The following CARD10 variants were observed in gnomAD, a reference collection of about 807,000 sequenced individuals.
CARD10 encodes the protein caspase recruitment domain-containing protein 10.
In CARD10, 49 loss-of-function variants were observed where a neutral mutation model predicts 114.6. That is an observed-to-expected ratio of 0.43 (90% CI 0.34 to 0.54). The LOEUF is 0.54. Ranked by LOEUF, CARD10 falls within the 20% of genes least tolerant of loss-of-function variation. CARD10 has a pLI of 0.03. For missense variants in CARD10, 1,206 were observed against 1,397.2 expected, an observed-to-expected ratio of 0.86 and a Z score of 2.18; for synonymous variants, 602 against 593.2, an observed-to-expected ratio of 1.01 and a Z score of -0.21.
At chr22:37,515,928 G>A (rs574318072) in intron 3 of CARD10, 45 bp downstream of exon 3, 1 of 1,465,800 alleles carries the variant, frequency 6.8e-7, no homozygotes, top group Non-Finnish European at 9.2e-7. Flanking sequence ...CATTGCAAAA[G>A]CTGCCCCTTC....
At chr22:37,494,746 A>G (rs1375965735) in intron 15 of CARD10, among the ~76,000 whole-genome samples, 2 of 152,174 alleles carry the variant, frequency 1.3e-5, no homozygotes, top group Non-Finnish European at 2.9e-5. Flanking sequence ...TTTACAGATG[A>G]GGAAACAAGC....
chr22:37,504,401 GC>G, intron 8 of CARD10, 100 bp from the exon 9 acceptor site: 1 of 1,084,280 alleles, frequency 9.2e-7, no homozygotes, highest in Non-Finnish European at 1.3e-6. Context: ...GAGAAGTAGG[GC>G]CCAGAGCAGA....
chr22:37,503,900 T>A, intron 9 of CARD10: 1 of 558,496 alleles, frequency 1.8e-6, no homozygotes, highest in Non-Finnish European at 3.4e-6. Flanking sequence ...ACCATCAAGC[T>A]TCTCCTTGGG....
chr22:37,495,543 T>C lies in CARD10; in HGVS notation c.2347A>G (p.Ser783Gly). The change falls in exon 15 of 20, where the codon AGC becomes GGC. Residue 783 changes from serine (S) to glycine (G), a missense_variant. This residue lies in a region of CARD10 where 1,068 missense variants were observed against 1,179.1 expected (regional missense o/e 0.91). Coordinates refer to ENST00000251973, the MANE Select transcript of CARD10 (RefSeq NM_014550.4). ...LEVQEKCLPS[S>G]RHRGPRSNLK... ...TTACTGCGGGGGCCTCGGTGCCGGC[T>C]GGAGGGCAGGCATTTCTCCTGAACT... 6.2e-7 allele frequency: 1 copy of C among 1,613,106 alleles called. No individual in the cohort carries two copies. Among genetic ancestry groups the C allele is most frequent in the Non-Finnish European group, 8.5e-7 (1 of 1,179,798 alleles).
At position 37,501,714 on chromosome 22, in the gene CARD10, G is replaced by A. The variant is rs377195814; in HGVS notation, c.1787+888C>T. Among the ~76,000 whole-genome samples, 3 of 152,294 alleles carry A rather than the reference G, an allele frequency of 2.0e-5. No homozygotes were observed. Among genetic ancestry groups the A allele is most frequent in the East Asian group, 3.9e-4 (2 of 5,182 alleles). On this transcript the variant is annotated intron_variant, in intron 11 of 19. Transcript: ENST00000251973. This position sits in a 1 kb window ranked among gnomAD's most constrained non-coding sequence, Gnocchi z 5.4. ...CCTGGGCAAGTTGCTTAACCTCTCT[G>A]AGCCCCAGTTACCTCCTCTATGGAG... is the stretch of plus-strand genomic sequence containing the variant.
At chr22:37,505,513 A>T (rs1923373887) in intron 7 of CARD10, among the ~76,000 whole-genome samples, 1 of 151,938 alleles carries the variant, frequency 6.6e-6, no homozygotes, top group Non-Finnish European at 1.5e-5. Context: ...CCTACTGAAA[A>T]TACAAAAAAA....
chr22:37,512,426 GT>G (rs1337276925), intron 3 of CARD10, among the ~76,000 whole-genome samples: 2 of 145,384 alleles, frequency 1.4e-5, no homozygotes, highest in African/African-American at 2.6e-5. Context: ...TGACTTGCTA[GT>G]TCCCCAGCCT....
In CARD10 at chr22:37,508,330, C is replaced by CGGG. The variant is rs573448820; in HGVS notation, c.1065+196_1065+197insCCC. 3.1e-3 allele frequency among the ~76,000 whole-genome samples: 466 copies of CGGG among 151,962 alleles called. 2 individuals carry two copies. The highest frequency in any genetic ancestry group is 4.5e-3 in the Non-Finnish European group (304 of 68,030). On this transcript the variant is annotated intron_variant, in intron 5 of 19. Transcript: ENST00000251973. ...AGTCTCCCCTGCTGGAGTTCCCCCT[C>CGGG]AAGGAAAAGGCACCTTTGTTTTGCT...
intron 3 of CARD10, among the ~76,000 whole-genome samples, chr22:37,513,878 C>T (rs1301500227): frequency 6.6e-6 from 1 of 151,964 alleles, no homozygotes; most frequent in African/African-American, 2.4e-5. Context: ...GCGGGCAGAT[C>T]GCCTGAGGTC....
At position 37,496,062 on chromosome 22, in the gene CARD10, G is replaced by A; in HGVS notation, c.2060-59C>T. On this transcript the variant is annotated intron_variant, in intron 13 of 19. Coordinates refer to ENST00000251973, the MANE Select transcript of CARD10 (RefSeq NM_014550.4). This position sits in a 1 kb window ranked among gnomAD's most constrained non-coding sequence, Gnocchi z 4.1. ...GACAAGAGGAGGATGGTGAGGTCCA[G>A]GATCGGCCTTGGTGGGGCCAAAGAC... 6.3e-7 allele frequency: 1 copy of A among 1,594,584 alleles called. No individual in the cohort carries two copies.
rs750715809 is a variant in CARD10, at chr22:37,495,534, G to T, written c.2356C>A (p.Arg786=). The T allele has an allele frequency of 6.2e-7, 1 of 1,612,272 alleles. No homozygotes were observed. The highest frequency in any genetic ancestry group is 1.3e-5 in the African/African-American group (1 of 74,906). The stretch of plus-strand genomic sequence containing the variant: ...GTGCTCACATTACTGCGGGGGCCTC[G>T]GTGCCGGCTGGAGGGCAGGCATTTC... The part of the protein sequence containing the change: ...QEKCLPSSRH[R]GPRSNLKKRA... Residue 786 remains arginine, a synonymous_variant, in exon 15 of 20, where the codon CGA becomes AGA. Transcript: ENST00000251973.
chr22:37,512,659 C>T (rs1168081102), intron 3 of CARD10, among the ~76,000 whole-genome samples: 2 of 152,138 alleles, frequency 1.3e-5, no homozygotes, highest in South Asian at 2.1e-4. Flanking sequence ...CAGAGAAAGA[C>T]AGCTCGTTAC....
chr22:37,509,637 T>TG (rs1215995594), intron 4 of CARD10, among the ~76,000 whole-genome samples: 7 of 108,136 alleles, frequency 6.5e-5, no homozygotes, highest in Admixed American at 1.8e-4. Context: ...CCTCCTGACC[T>TG]CCCCGCAGCC....
At chr22:37,495,429 C>T (rs1922961798) in intron 15 of CARD10, 88 bp downstream of exon 15, 2 of 1,021,766 alleles carry the variant, frequency 2.0e-6, no homozygotes, top group Admixed American at 4.7e-5. Flanking sequence ...GAGTGTCTTC[C>T]TAGGTTGCCA....
rs1923501557 is a variant in CARD10, at chr22:37,508,663, G to GC, written c.928dup (p.Ala310GlyfsTer15). The GC allele has an allele frequency of 6.4e-7, 1 of 1,570,552 alleles. No homozygotes were observed. The highest frequency in any genetic ancestry group is 1.3e-5 in the African/African-American group (1 of 74,328). ...CAGCAGGATGCGCTCGGAGCCCGGGGCCCCCGGCCGGCTCGCCTCCTGGGG... is the reference window on the plus strand; with the variant it reads ...CAGCAGGATGCGCTCGGAGCCCGGGGCCCCCCGGCCGGCTCGCCTCCTGGGG... On this transcript the variant is annotated frameshift_variant, in exon 5 of 20. Transcript: ENST00000251973. LOFTEE classifies it high-confidence loss of function.
chr22:37,508,178 C>G (rs974275667), intron 5 of CARD10, among the ~76,000 whole-genome samples: 1 of 152,148 alleles, frequency 6.6e-6, no homozygotes, highest in Non-Finnish European at 1.5e-5. Flanking sequence ...TTCACCCATC[C>G]GGCCACCCTT....
chr22:37,518,241 T>C, intron 1 of CARD10, 133 bp from the exon 2 acceptor site: 5 of 773,422 alleles, frequency 6.5e-6, no homozygotes, highest in Non-Finnish European at 1.0e-5. Context: ...CAGGGGCCTG[T>C]CCCAACACAT....
At chr22:37,497,793 G>T (rs533641706) in intron 11 of CARD10, among the ~76,000 whole-genome samples, 1 of 151,416 alleles carries the variant, frequency 6.6e-6, no homozygotes, top group Non-Finnish European at 1.5e-5. Context: ...GGCAGAGGTT[G>T]CAGTGAGCCG....
chr22:37,510,494 T>A, intron 3 of CARD10, 73 bp from the exon 4 acceptor site: 1 of 1,378,826 alleles, frequency 7.3e-7, no homozygotes, highest in Non-Finnish European at 1.0e-6. Flanking sequence ...TGGGAAGACC[T>A]GCTCCCTCAC....
Sources: gnomAD v4.1 joint callset for allele counts (sites outside exome capture counted in the v4.1 genomes callset) on GRCh38, gnomAD v4.1.1 for gene constraint, gnomAD v4.1.1 regional missense constraint, Gnocchi (gnomAD v3.1) non-coding constraint, MANE v1.5 for transcripts, NCBI Gene and HGNC (gene_info 2026-07-23, HGNC 2026-07-21) for gene names.